XIRP2: variants seen among roughly 807,000 people sequenced by gnomAD.
XIRP2 encodes xin actin-binding repeat-containing protein 2.
XIRP2 carries 236 observed loss-of-function variants against 277.0 expected under a neutral mutation model. The observed-to-expected ratio is 0.85, with a 90% confidence interval of 0.77 to 0.95. XIRP2 has a LOEUF of 0.95. Ranked by LOEUF, XIRP2 falls within the 40% of genes least tolerant of loss-of-function variation. The pLI is 0.00. For missense variants in XIRP2, 4,640 were observed against 4,157.5 expected (o/e 1.12, Z -3.19); for synonymous variants, 1,490 against 1,416.5 (o/e 1.05, Z -1.17).
Position 166,903,462 on chromosome 2 carries a change from C to G in XIRP2, c.-18-3C>G. The stretch of plus-strand genomic sequence containing the variant: ...ACTGATAAAAGGATTCTTGATATTG[C>G]AGGACAACCTGGACCCATCCATGTT... On this transcript the variant is annotated splice_region_variant and splice_polypyrimidine_tract_variant and intron_variant, in intron 1 of 10. Coordinates refer to ENST00000409195, the MANE Select transcript of XIRP2 (RefSeq NM_152381.6). The G allele has an allele frequency of 6.3e-7, 1 of 1,592,846 alleles. No homozygotes were observed. Among genetic ancestry groups the G allele is most frequent in the Non-Finnish European group, 8.6e-7 (1 of 1,167,896 alleles).
chr2:167,202,947 T>C (rs1693763341), intron 3 of XIRP2, among the ~76,000 whole-genome samples: 9 of 152,172 alleles, frequency 5.9e-5, no homozygotes, highest in Admixed American at 3.9e-4. Context: ...GTGGACCTTA[T>C]TCCCATCTTC....
chr2:167,176,648 G>A (rs879684441), intron 3 of XIRP2, among the ~76,000 whole-genome samples: 1 of 152,080 alleles, frequency 6.6e-6, no homozygotes, highest in Non-Finnish European at 1.5e-5. Flanking sequence ...TAAATATTAT[G>A]CCCTCTCAGT....
At chr2:167,142,687 A>C (rs76005464) in intron 3 of XIRP2, among the ~76,000 whole-genome samples, 11,054 of 152,226 alleles carry the variant, frequency 0.073, 462 homozygotes, top group South Asian at 0.15. Flanking sequence ...TGAGTTCATG[A>C]CTCCATGTAT....
chr2:167,066,898 T>A (rs1339765863), intron 2 of XIRP2, among the ~76,000 whole-genome samples: 1 of 152,142 alleles, frequency 6.6e-6, no homozygotes, highest in Non-Finnish European at 1.5e-5. Context: ...TTGTTTATGA[T>A]AAGAAATCTG....
intron 2 of XIRP2, among the ~76,000 whole-genome samples, chr2:166,908,532 T>C (rs1684596615): frequency 6.6e-6 from 1 of 152,060 alleles, no homozygotes; most frequent in Admixed American, 6.5e-5. Flanking sequence ...GTCAGATGAG[T>C]AGATTGCAAA....
intron 1 of XIRP2, among the ~76,000 whole-genome samples, chr2:166,897,894 T>G (rs1423386627): frequency 1.3e-5 from 2 of 152,040 alleles, no homozygotes; most frequent in Admixed American, 6.6e-5. Flanking sequence ...TGCAGGGGCT[T>G]GCAGAGAGAG....
In XIRP2 at chr2:167,247,984, G is replaced by T. The variant is rs1365379264; in HGVS notation, c.6592G>T (p.Asp2198Tyr). ...LKQETKYSNK[D>Y]IKKKNINLQP... ...GCAAGAAACAAAATATTCTAATAAGGATATAAAGAAAAAGAATATAAACCT... is the reference window on the plus strand; with the variant it reads ...GCAAGAAACAAAATATTCTAATAAGTATATAAAGAAAAAGAATATAAACCT... The change falls in exon 9 of 11, where the codon GAT becomes TAT. Residue 2198 changes from aspartate to tyrosine, a missense_variant. Transcript: ENST00000409195. 9.3e-6 allele frequency: 15 copies of T among 1,612,328 alleles called. No individual in the cohort carries two copies. Among genetic ancestry groups the T allele is most frequent in the South Asian group, 1.1e-5 (1 of 90,716 alleles).
chr2:167,180,332 A>C (rs371824009), intron 3 of XIRP2, among the ~76,000 whole-genome samples: 2 of 151,892 alleles, frequency 1.3e-5, no homozygotes, highest in African/African-American at 4.8e-5. Flanking sequence ...TGTTTCTTTG[A>C]TCATACCTCT....
At chr2:167,054,619 G>A (rs1688997149) in intron 2 of XIRP2, among the ~76,000 whole-genome samples, 1 of 151,926 alleles carries the variant, frequency 6.6e-6, no homozygotes, top group Non-Finnish European at 1.5e-5. Flanking sequence ...GGGAGGCTGA[G>A]GTTGCAGTGA....
At chr2:166,981,325 C>G (rs1199404233) in intron 2 of XIRP2, among the ~76,000 whole-genome samples, 1 of 152,064 alleles carries the variant, frequency 6.6e-6, no homozygotes, top group Non-Finnish European at 1.5e-5. Flanking sequence ...CCTTGTTTTA[C>G]AGACACATCA....
chr2:167,200,987 G>T (rs966546847), intron 3 of XIRP2, among the ~76,000 whole-genome samples: 3 of 151,828 alleles, frequency 2.0e-5, no homozygotes, highest in Non-Finnish European at 4.4e-5. Context: ...TTAGCCGGGT[G>T]TGGTGGCGGG....
chr2:167,153,457 T>C (rs1574302378), intron 3 of XIRP2, among the ~76,000 whole-genome samples: 2 of 152,138 alleles, frequency 1.3e-5, no homozygotes, highest in African/African-American at 2.4e-5. Flanking sequence ...GTGCACAATG[T>C]GCAGGTTAGT....
intron 5 of XIRP2, among the ~76,000 whole-genome samples, chr2:167,220,620 C>T (rs1435681069): frequency 6.6e-6 from 1 of 152,154 alleles, no homozygotes; most frequent in Non-Finnish European, 1.5e-5. Flanking sequence ...AAAAGGAGTG[C>T]AGAGAAAGTA....
intron 3 of XIRP2, among the ~76,000 whole-genome samples, chr2:167,175,990 G>A (rs1256133590): frequency 1.3e-5 from 2 of 152,138 alleles, no homozygotes; most frequent in East Asian, 3.9e-4. Flanking sequence ...AGCATCCCAG[G>A]TCGACTTCAG....
intron 2 of XIRP2, among the ~76,000 whole-genome samples, chr2:167,128,905 T>G (rs1691294101): frequency 6.6e-6 from 1 of 152,132 alleles, no homozygotes; most frequent in South Asian, 2.1e-4. Flanking sequence ...AAAACATTTC[T>G]TGAGATAGAT....
At chr2:166,889,724 T>A (rs1243608917) in intron 1 of XIRP2, 5 of 152,832 alleles carry the variant, frequency 3.3e-5, no homozygotes, top group Non-Finnish European at 5.8e-5. Flanking sequence ...TCTGGTTGTC[T>A]ATCCTACCTG....
intron 2 of XIRP2, among the ~76,000 whole-genome samples, chr2:166,904,514 A>G (rs1464277977): frequency 6.6e-6 from 1 of 152,174 alleles, no homozygotes; most frequent in Admixed American, 6.6e-5. Context: ...ATGGTGTACT[A>G]TAATGTCACA....
chr2:167,199,686 G>A (rs566335661), intron 3 of XIRP2, among the ~76,000 whole-genome samples: 5 of 152,284 alleles, frequency 3.3e-5, no homozygotes, highest in Admixed American at 2.0e-4. Flanking sequence ...ATTAATCATA[G>A]ACTGAGCCTG....
At chr2:167,208,806 G>A (rs1455400323) in intron 3 of XIRP2, among the ~76,000 whole-genome samples, 2 of 152,084 alleles carry the variant, frequency 1.3e-5, no homozygotes, top group African/African-American at 4.8e-5. Context: ...CATCTTTTAT[G>A]GATAACACAC....
Sources: gnomAD v4.1 joint callset for allele counts (sites outside exome capture counted in the v4.1 genomes callset) on GRCh38, gnomAD v4.1.1 for gene constraint, MANE v1.5 for transcripts, NCBI Gene and HGNC (gene_info 2026-07-23, HGNC 2026-07-21) for gene names.